Variants in MAPK3 observed in about 807,000 individuals in gnomAD.
MAPK3 encodes mitogen-activated protein kinase 3.
In MAPK3, 30 loss-of-function variants were observed where a neutral mutation model predicts 41.8. The ratio of observed to expected loss-of-function variants is 0.72; its 90% CI spans 0.54 to 0.97. The LOEUF (loss-of-function observed/expected upper bound fraction) is 0.97. Among genes scored for constraint, MAPK3 ranks in the 50% least tolerant of loss-of-function variants. The pLI, the probability that MAPK3 is intolerant of heterozygous loss-of-function variation, is 0.00. For synonymous variants in MAPK3, 222 were observed against 213.4 expected (o/e 1.04, Z -0.35); for missense variants, 413 against 509.9 (o/e 0.81, Z 1.83).
At chr16:30,120,752 T>G (rs946312000) in intron 2 of MAPK3, among the ~76,000 whole-genome samples, 1 of 147,416 alleles carries the variant, frequency 6.8e-6, no homozygotes, top group African/African-American at 2.5e-5. Flanking sequence ...AGCACAATCA[T>G]AGCTCACTGC....
intron 3 of MAPK3, 36 bp from the exon 4 acceptor site, chr16:30,118,199 A>C: frequency 6.3e-7 from 1 of 1,597,008 alleles, no homozygotes; most frequent in Non-Finnish European, 8.6e-7. Context: ...TCGGCGCTCA[A>C]GGCCTCTGCA....
At chr16:30,115,056 G>T (rs2072941570) in intron 8 of MAPK3, among the ~76,000 whole-genome samples, 1 of 142,824 alleles carries the variant, frequency 7.0e-6, no homozygotes, top group African/African-American at 2.6e-5. Context: ...GGGCAACATA[G>T]CAAGACCCCA....
At chr16:30,121,292 G>C (rs2073012856) in intron 2 of MAPK3, among the ~76,000 whole-genome samples, 1 of 151,880 alleles carries the variant, frequency 6.6e-6, no homozygotes, top group Non-Finnish European at 1.5e-5. Context: ...TGTATTTTTA[G>C]TAGAGATGGG....
At position 30,114,584 on chromosome 16, in the gene MAPK3, C is replaced by G. The variant is rs1424380363; in HGVS notation, c.*157G>C. The G allele has an allele frequency of 6.6e-6, 1 of 152,416 alleles. No individual in the cohort carries two copies. The highest frequency in any genetic ancestry group is 1.5e-5 in the Non-Finnish European group (1 of 68,180). 9.4% of individuals were successfully genotyped at this position (152,416 alleles called of 1,614,324 possible). ...GCCTTGGCCTGCCTGAAGCTGGAGGCCTCAGCAAAGGAGAGAGGTGGCCAG... is the reference window on the plus strand; with the variant it reads ...GCCTTGGCCTGCCTGAAGCTGGAGGGCTCAGCAAAGGAGAGAGGTGGCCAG... On this transcript the variant is annotated 3_prime_UTR_variant, in exon 9 of 9. Coordinates refer to ENST00000263025, the MANE Select transcript of MAPK3 (RefSeq NM_002746.3).
At position 30,123,216 on chromosome 16, in the gene MAPK3, T is replaced by G; in HGVS notation, c.-7A>C. The G allele has an allele frequency of 1.2e-6, 1 of 817,278 alleles. No individual in the cohort carries two copies. The highest frequency in any genetic ancestry group is 1.6e-6 in the Non-Finnish European group (1 of 627,024). 50.6% of individuals were successfully genotyped at this position (817,278 alleles called of 1,614,324 possible). On this transcript the variant is annotated 5_prime_UTR_variant, in exon 1 of 9. Coordinates refer to ENST00000263025, the MANE Select transcript of MAPK3 (RefSeq NM_002746.3). ...GAGCCGCCGCCGCCGCCATCTCCACTCCTCCCCTCCCACCGCCCTCCTCCC... is the reference window on the plus strand; with the variant it reads ...GAGCCGCCGCCGCCGCCATCTCCACGCCTCCCCTCCCACCGCCCTCCTCCC...
At position 30,117,188 on chromosome 16, in the gene MAPK3, A is replaced by C; in HGVS notation, c.873T>G (p.Ala291=). The C allele has an allele frequency of 6.2e-7, 1 of 1,614,120 alleles. No individual in the cohort carries two copies. Among genetic ancestry groups the C allele is most frequent in the Non-Finnish European group, 8.5e-7 (1 of 1,180,008 alleles). ...LQSLPSKTKV[A]WAKLFPKSDS... Reference sequence around the variant, plus strand: ...CTGACTTGGGGAAAAGCTTGGCCCAAGCCACCTTGGTCTTGGAGGGCAGAG... The same window carrying C: ...CTGACTTGGGGAAAAGCTTGGCCCACGCCACCTTGGTCTTGGAGGGCAGAG... The change falls in exon 6 of 9, where the codon GCT becomes GCG. Residue 291 remains alanine, a synonymous_variant. Coordinates refer to ENST00000263025, the MANE Select transcript of MAPK3 (RefSeq NM_002746.3).
intron 8 of MAPK3, among the ~76,000 whole-genome samples, chr16:30,115,342 A>G (rs767420674): frequency 6.6e-6 from 1 of 152,230 alleles, no homozygotes; most frequent in Non-Finnish European, 1.5e-5. Flanking sequence ...GTTTGAGCCC[A>G]GGTGCGCATG....
rs374568508 is a variant in MAPK3, at chr16:30,116,619, G to T, written c.*32+17C>A. Reference sequence around the variant, plus strand: ...TTAGTATCAGGGTGTCCATGTGTGGGCCATGGAGACACTCACCAGGCCCCA... The same window carrying T: ...TTAGTATCAGGGTGTCCATGTGTGGTCCATGGAGACACTCACCAGGCCCCA... On this transcript the variant is annotated intron_variant, in intron 8 of 8. Coordinates refer to ENST00000263025, the MANE Select transcript of MAPK3 (RefSeq NM_002746.3). The T allele has an allele frequency of 6.2e-7, 1 of 1,605,962 alleles. No individual in the cohort carries two copies. Among genetic ancestry groups the T allele is most frequent in the South Asian group, 1.1e-5 (1 of 90,810 alleles).
intron 1 of MAPK3, 49 bp downstream of exon 1, chr16:30,122,991 C>G (rs36084237): frequency 0.12 from 161,402 of 1,361,564 alleles, 11,592 homozygotes; most frequent in Non-Finnish European, 0.13. Context: ...TCCTCTCCCG[C>G]GAAGCCCCCT....
intron 2 of MAPK3, among the ~76,000 whole-genome samples, chr16:30,121,183 A>T (rs2073011779): frequency 6.6e-6 from 1 of 152,102 alleles, no homozygotes; most frequent in Non-Finnish European, 1.5e-5. Context: ...ATCTTGGCTC[A>T]CTGCAACCTC....
chr16:30,122,989 C>A, intron 1 of MAPK3, 51 bp downstream of exon 1: 2 of 1,384,508 alleles, frequency 1.4e-6, no homozygotes, highest in Non-Finnish European at 1.9e-6. Context: ...CCTCCTCTCC[C>A]GCGAAGCCCC....
intron 1 of MAPK3, chr16:30,122,636 A>C: frequency 5.9e-6 from 1 of 169,228 alleles, no homozygotes; most frequent in Non-Finnish European, 1.3e-5. Context: ...GCTCCCTGGC[A>C]CTGCCTCACA....
intron 2 of MAPK3, among the ~76,000 whole-genome samples, chr16:30,119,289 T>C (rs1429173348): frequency 6.6e-6 from 1 of 152,016 alleles, no homozygotes. Context: ...ATCTGGTATG[T>C]AGGGGAAATA....
At chr16:30,117,582 C>A in intron 5 of MAPK3, 88 bp downstream of exon 5, 1 of 999,498 alleles carries the variant, frequency 1.0e-6, no homozygotes, top group Admixed American at 1.7e-5. Flanking sequence ...GCACCCCACA[C>A]GTGGTGGTAT....
At chr16:30,122,173 G>A (rs1290405803) in intron 1 of MAPK3, 167 bp from the exon 2 acceptor site, 3 of 670,690 alleles carry the variant, frequency 4.5e-6, no homozygotes, top group Non-Finnish European at 7.6e-6. Flanking sequence ...GATCTCCAGA[G>A]AGAAAGCTGG....
At position 30,117,734 on chromosome 16, in the gene MAPK3, C is replaced by T. The variant is rs1254339785; in HGVS notation, c.711G>A (p.Glu237=). The change falls in exon 5 of 9, where the codon GAG becomes GAA. Residue 237 remains glutamate (E), a synonymous_variant. Transcript: ENST00000263025. Reference sequence around the variant, plus strand: ...GGAAGATGGGCCGGTTAGAGAGCATCTCAGCCAGAATGCAGCCCACAGACC... The same window carrying T: ...GGAAGATGGGCCGGTTAGAGAGCATTTCAGCCAGAATGCAGCCCACAGACC... ...DIWSVGCILA[E]MLSNRPIFPG... is the part of the protein sequence containing the mutation. The T allele has an allele frequency of 4.3e-6, 7 of 1,614,020 alleles. No homozygotes were observed. The highest frequency in any genetic ancestry group is 4.2e-6 in the Non-Finnish European group (5 of 1,180,004).
intron 5 of MAPK3, 34 bp from the exon 6 acceptor site, chr16:30,117,319 C>T: frequency 1.2e-6 from 2 of 1,610,758 alleles, no homozygotes; most frequent in Admixed American, 3.3e-5. Flanking sequence ...TAAATGATCA[C>T]CTCTTTCTTT....
chr16:30,123,074 GCAA>G lies in MAPK3; in HGVS notation c.133_135del (p.Leu45del). ...CCGTACGCGCCCTCGCCGATGTACT[GCAA>G]CTGCGTGTAGCGCGGGCCCACGTCG... is the stretch of plus-strand genomic sequence containing the variant. On this transcript the variant is annotated inframe_deletion, in exon 1 of 9. Transcript: ENST00000263025. 1 of 1,570,514 alleles carries G rather than the reference GCAA, an allele frequency of 6.4e-7. No homozygotes were observed. Among genetic ancestry groups the G allele is most frequent in the Non-Finnish European group, 8.6e-7 (1 of 1,160,486 alleles).
rs975482399 is a variant in MAPK3 at position 30,116,996 on chromosome 16, G to T, written c.915C>A (p.Asp305Glu). The T allele has an allele frequency of 6.2e-7, 1 of 1,603,814 alleles. No individual in the cohort carries two copies. The highest frequency in any genetic ancestry group is 1.7e-4 in the Middle Eastern group (1 of 6,032). ...LFPKSDSKAL[D>E]LLDRMLTFNP... is the part of the protein sequence containing the mutation. ...TAAAGGTTAACATCCGGTCCAGCAG[G>T]TCAAGGGCTATGGAAGGGCAGGAGT... Residue 305 changes from aspartate to glutamate, a missense_variant, in exon 7 of 9, where the codon GAC becomes GAA. This residue lies in a region of MAPK3 where 123 missense variants were observed against 147.8 expected (regional missense o/e 0.83). Coordinates refer to ENST00000263025, the MANE Select transcript of MAPK3 (RefSeq NM_002746.3).
Sources: allele counts gnomAD v4.1 joint callset (sites outside exome capture counted in the v4.1 genomes callset), GRCh38; gene constraint gnomAD v4.1.1; regional missense constraint gnomAD v4.1.1; transcripts MANE v1.5; gene names NCBI Gene and HGNC (gene_info 2026-07-23, HGNC 2026-07-21).